Variants in PLA2G4A observed in about 807,000 individuals in gnomAD.
PLA2G4A encodes phospholipase A2 group IVA.
PLA2G4A carries 40 observed loss-of-function variants against 81.9 expected under a neutral mutation model. That is an observed-to-expected ratio of 0.49 (90% confidence interval 0.38 to 0.64). The LOEUF (loss-of-function observed/expected upper bound fraction) is 0.64. PLA2G4A is among the 30% of genes least tolerant of loss of function. The pLI, the probability that PLA2G4A is intolerant of heterozygous loss-of-function variation, is 0.00. For synonymous variants in PLA2G4A, 302 were observed against 296.9 expected (o/e 1.02, Z -0.18); for missense variants, 715 against 905.1 (o/e 0.79, Z 2.69).
intron 8 of PLA2G4A, among the ~76,000 whole-genome samples, chr1:186,935,024 C>T (rs1046957645): frequency 6.6e-6 from 1 of 151,696 alleles, no homozygotes; most frequent in African/African-American, 2.4e-5. Context: ...CACTCCAAAA[C>T]TTCATAGATA....
intron 1 of PLA2G4A, among the ~76,000 whole-genome samples, chr1:186,839,560 T>C (rs1651904358): frequency 6.6e-6 from 1 of 152,200 alleles, no homozygotes; most frequent in Non-Finnish European, 1.5e-5. Flanking sequence ...AACCTGCTTA[T>C]TGATTTTACT....
At chr1:186,983,005 A>T (rs1657775330) in intron 17 of PLA2G4A, among the ~76,000 whole-genome samples, 1 of 151,534 alleles carries the variant, frequency 6.6e-6, no homozygotes, top group African/African-American at 2.4e-5. Flanking sequence ...AATGGTGTGA[A>T]CCAGGGAGGT....
At chr1:186,911,429 A>G (rs1294335934) in intron 7 of PLA2G4A, 40 bp downstream of exon 7, 20 of 1,446,122 alleles carry the variant, frequency 1.4e-5, no homozygotes, top group Non-Finnish European at 1.9e-5. Flanking sequence ...TACTTTAATA[A>G]TAATTTAGCT....
At chr1:186,865,311 TA>T in intron 2 of PLA2G4A, among the ~76,000 whole-genome samples, 1 of 151,902 alleles carries the variant, frequency 6.6e-6, no homozygotes, top group Non-Finnish European at 1.5e-5. Flanking sequence ...TGAGAATTTT[TA>T]AAAAAAGATT....
At chr1:186,871,188 G>A (rs187824079) in intron 3 of PLA2G4A, among the ~76,000 whole-genome samples, 1 of 152,226 alleles carries the variant, frequency 6.6e-6, no homozygotes, top group East Asian at 1.9e-4. Flanking sequence ...CTGAAATGAT[G>A]CGATCCACAG....
At chr1:186,849,389 G>A (rs1652296251) in intron 1 of PLA2G4A, among the ~76,000 whole-genome samples, 1 of 152,034 alleles carries the variant, frequency 6.6e-6, no homozygotes, top group Non-Finnish European at 1.5e-5. Context: ...ACCAGTAACA[G>A]GCAGACCAAA....
intron 7 of PLA2G4A, among the ~76,000 whole-genome samples, chr1:186,927,718 A>T (rs1388387642): frequency 6.6e-6 from 1 of 152,224 alleles, no homozygotes; most frequent in African/African-American, 2.4e-5. Flanking sequence ...TCCGAGTGCC[A>T]CTTGGTACTT....
chr1:186,857,597 T>G (rs1169275187), intron 2 of PLA2G4A, among the ~76,000 whole-genome samples: 1 of 145,546 alleles, frequency 6.9e-6, no homozygotes, highest in Non-Finnish European at 1.5e-5. Flanking sequence ...ATTATATATA[T>G]TTAGTTTTTA....
rs1261301062 is a variant in PLA2G4A at position 186,912,748 on chromosome 1, A to AGGTATATATATACATAAG, written c.558+1359_558+1360insGGTATATATATACATAAG. On this transcript the variant is annotated intron_variant, in intron 7 of 17. Coordinates refer to ENST00000367466, the MANE Select transcript of PLA2G4A (RefSeq NM_024420.3). ...TATATATACATATATATACATATATATGTATATATATACATAAGTATATAT... is the reference window on the plus strand; with the variant it reads ...TATATATACATATATATACATATATAGGTATATATATACATAAGTGTATATATATACATAAGTATATAT... 4.9e-5 allele frequency among the ~76,000 whole-genome samples: 7 copies of AGGTATATATATACATAAG among 143,600 alleles called. No homozygotes were observed. In the East Asian group the frequency reaches 1.4e-3, roughly 28 times the overall value. The allele number at this position is 143,600 out of a possible 152,430, so 94.2% of individuals were successfully genotyped here.
intron 1 of PLA2G4A, among the ~76,000 whole-genome samples, chr1:186,847,693 G>A (rs1031188917): frequency 2.0e-5 from 3 of 152,118 alleles, no homozygotes; most frequent in South Asian, 4.1e-4. Context: ...TGTGGGAAGA[G>A]CTTCAGAAGA....
intron 2 of PLA2G4A, among the ~76,000 whole-genome samples, chr1:186,867,981 G>A (rs561346286): frequency 6.6e-6 from 1 of 150,592 alleles, no homozygotes; most frequent in Non-Finnish European, 1.5e-5. Flanking sequence ...TGTTTAGCTT[G>A]TTGATATATG....
chr1:186,949,386 AG>A (rs1656462942), intron 12 of PLA2G4A, among the ~76,000 whole-genome samples: 3 of 11,394 alleles, frequency 2.6e-4, no homozygotes, highest in Non-Finnish European at 4.0e-4. Context: ...AAAGAAAGAA[AG>A]AAAAAAGAAA....
chr1:186,867,914 G>A (rs1653090724), intron 2 of PLA2G4A, among the ~76,000 whole-genome samples: 1 of 151,912 alleles, frequency 6.6e-6, no homozygotes, highest in African/African-American at 2.4e-5. Context: ...ATGGATGGAT[G>A]TTAAATTTTG....
In PLA2G4A at chr1:186,893,026, C is replaced by A; in HGVS notation, c.131C>A (p.Pro44His). The A allele has an allele frequency of 1.2e-6, 2 of 1,609,662 alleles. No individual in the cohort carries two copies. Among genetic ancestry groups the A allele is most frequent in the Non-Finnish European group, 1.7e-6 (2 of 1,176,022 alleles). Reference sequence around the variant, plus strand: ...CTATCTGTAGTTGATACTCCAGATCCCTATGTGGAACTTTTTATCTCTACA... The same window carrying A: ...CTATCTGTAGTTGATACTCCAGATCACTATGTGGAACTTTTTATCTCTACA... ...AFGDMLDTPD[P>H]YVELFISTTP... Residue 44 changes from proline to histidine, a missense_variant, in exon 4 of 18, where the codon CCC (proline) becomes CAC (histidine). Coordinates refer to ENST00000367466, the MANE Select transcript of PLA2G4A (RefSeq NM_024420.3).
At chr1:186,887,753 T>G (rs184226234) in intron 3 of PLA2G4A, among the ~76,000 whole-genome samples, 1 of 152,296 alleles carries the variant, frequency 6.6e-6, no homozygotes, top group African/African-American at 2.4e-5. Flanking sequence ...ATTCATTCCT[T>G]GAAACTTCTC....
chr1:186,979,943 CT>C (rs34029312), intron 17 of PLA2G4A, among the ~76,000 whole-genome samples: 20,223 of 97,474 alleles, frequency 0.21, 502 homozygotes, highest in Admixed American at 0.26. Flanking sequence ...ACAGCATTTC[CT>C]TTTTTTTTTT....
intron 7 of PLA2G4A, among the ~76,000 whole-genome samples, chr1:186,912,710 A>G (rs979404835): frequency 1.4e-5 from 2 of 146,276 alleles, no homozygotes; most frequent in Admixed American, 6.9e-5. Context: ...ACTTATTCAT[A>G]TATATGTATA....
At chr1:186,947,526 G>C (rs1656388001) in intron 12 of PLA2G4A, among the ~76,000 whole-genome samples, 1 of 152,098 alleles carries the variant, frequency 6.6e-6, no homozygotes, top group Non-Finnish European at 1.5e-5. Flanking sequence ...TGAGAAAGTA[G>C]ACAATCTCAA....
chr1:186,891,361 C>T (rs968342897), intron 3 of PLA2G4A, among the ~76,000 whole-genome samples: 6 of 152,094 alleles, frequency 3.9e-5, no homozygotes, highest in African/African-American at 1.4e-4. Flanking sequence ...TATTGACTAT[C>T]GTCACCCTGT....
Sources: allele counts gnomAD v4.1 joint callset (sites outside exome capture counted in the v4.1 genomes callset), GRCh38; gene constraint gnomAD v4.1.1; transcripts MANE v1.5; gene names NCBI Gene and HGNC (gene_info 2026-07-23, HGNC 2026-07-21).